The following ADAMTS16 variants were observed in gnomAD, a reference collection of about 807,000 sequenced individuals.
ADAMTS16 encodes A disintegrin and metalloproteinase with thrombospondin motifs 16.
Under a neutral mutation model 145.8 loss-of-function variants are expected in ADAMTS16, and 94 were observed. That is an observed-to-expected ratio of 0.64 (90% CI 0.55 to 0.77). The LOEUF (loss-of-function observed/expected upper bound fraction) is 0.77, where lower values mean the gene tolerates loss of function less well. Ranked by LOEUF, ADAMTS16 falls within the 30% of genes least tolerant of loss-of-function variation. The pLI is 0.00. For synonymous variants in ADAMTS16, 659 were observed against 604.3 expected (o/e 1.09, Z -1.33); for missense variants, 1,585 against 1,591.5 (o/e 1.00, Z 0.07).
intron 18 of ADAMTS16, among the ~76,000 whole-genome samples, chr5:5,281,675 T>C (rs1434122328): frequency 6.6e-6 from 1 of 152,056 alleles, no homozygotes; most frequent in Non-Finnish European, 1.5e-5. Flanking sequence ...AAAACATGTG[T>C]AGATGCAGAG....
chr5:5,140,597 A>C, intron 1 of ADAMTS16, 58 bp downstream of exon 1: 1 of 1,516,648 alleles, frequency 6.6e-7, no homozygotes, highest in Non-Finnish European at 8.8e-7. Context: ...GCTGGAGGCG[A>C]GTCCCCCGCG....
intron 18 of ADAMTS16, among the ~76,000 whole-genome samples, chr5:5,301,889 G>A (rs1328191755): frequency 6.6e-6 from 1 of 152,194 alleles, no homozygotes; most frequent in East Asian, 1.9e-4. Context: ...CGACCCCTAG[G>A]TGGGACCCCT....
At chr5:5,198,025 A>G (rs1483263131) in intron 8 of ADAMTS16, among the ~76,000 whole-genome samples, 1 of 152,232 alleles carries the variant, frequency 6.6e-6, no homozygotes, top group Non-Finnish European at 1.5e-5. Flanking sequence ...CTAGAAAAAA[A>G]TCATTGAAAA....
chr5:5,279,893 CTTCT>C (rs1345614505), intron 18 of ADAMTS16, among the ~76,000 whole-genome samples: 21 of 132,146 alleles, frequency 1.6e-4, no homozygotes, highest in South Asian at 5.2e-4. Flanking sequence ...TCCTTCCTTC[CTTCT>C]TTCTTTTCTT....
chr5:5,247,057 G>A (rs780733240), intron 17 of ADAMTS16, among the ~76,000 whole-genome samples: 2 of 152,192 alleles, frequency 1.3e-5, no homozygotes, highest in Non-Finnish European at 2.9e-5. Flanking sequence ...GCAGCAGTGG[G>A]CTTTGGTTCC....
rs373039727 is a variant in ADAMTS16 at position 5,146,278 on chromosome 5, C to A, written c.324C>A (p.Phe108Leu). 1 of 1,614,210 alleles carries A rather than the reference C, an allele frequency of 6.2e-7. No individual in the cohort carries two copies. Among genetic ancestry groups the A allele is most frequent in the Non-Finnish European group, 8.5e-7 (1 of 1,180,048 alleles). ...HLRLKGSRHDFHMDLRTSSSL... is the reference protein window; with the variant it reads ...HLRLKGSRHDLHMDLRTSSSL... ...GGCTGAAAGGCTCCAGGCACGACTT[C>A]CACATGGATCTGAGGACTTCCAGCA... Residue 108 changes from phenylalanine (F) to leucine (L), a missense_variant, in exon 3 of 23, where the codon TTC (phenylalanine) becomes TTA (leucine). Phe to Leu is a conservative substitution (Grantham distance 22, BLOSUM62 0). Around this residue, in one of 3 missense-constraint regions of ADAMTS16, gnomAD observed 453 missense variants for 412.1 expected, o/e 1.10. Transcript: ENST00000274181.
chr5:5,240,944 G>A (rs572805654), intron 16 of ADAMTS16, among the ~76,000 whole-genome samples: 11 of 152,252 alleles, frequency 7.2e-5, no homozygotes, highest in Non-Finnish European at 1.0e-4. Context: ...AGATGCCTCC[G>A]GGTTGAAAAT....
chr5:5,244,552 A>G (rs1377937333), intron 17 of ADAMTS16, among the ~76,000 whole-genome samples: 1 of 152,190 alleles, frequency 6.6e-6, no homozygotes, highest in Non-Finnish European at 1.5e-5. Context: ...TTGTATGAAT[A>G]CCAATGCCTG....
chr5:5,224,504 G>A (rs1262607685), intron 11 of ADAMTS16, among the ~76,000 whole-genome samples: 1 of 152,102 alleles, frequency 6.6e-6, no homozygotes, highest in Non-Finnish European at 1.5e-5. Context: ...TGGTCAGGCT[G>A]GTCTCAAACC....
At chr5:5,284,265 CCT>C (rs1422755596) in intron 18 of ADAMTS16, among the ~76,000 whole-genome samples, 1 of 152,182 alleles carries the variant, frequency 6.6e-6, no homozygotes, top group African/African-American at 2.4e-5. Flanking sequence ...CACATTTCTA[CCT>C]CTTTCATTTT....
intron 11 of ADAMTS16, 111 bp from the exon 12 acceptor site, chr5:5,232,257 G>A: frequency 7.9e-7 from 1 of 1,265,562 alleles, no homozygotes; most frequent in Non-Finnish European, 1.1e-6. Context: ...GGAGGCTAAT[G>A]TCTGCATAGT....
chr5:5,233,219 A>G (rs1170918106), intron 12 of ADAMTS16, among the ~76,000 whole-genome samples: 1 of 152,222 alleles, frequency 6.6e-6, no homozygotes, highest in Non-Finnish European at 1.5e-5. Flanking sequence ...GGGGTTTTCC[A>G]TCAAATATAT....
chr5:5,229,191 G>A (rs370106190), intron 11 of ADAMTS16, among the ~76,000 whole-genome samples: 133 of 151,272 alleles, frequency 8.8e-4, no homozygotes, highest in African/African-American at 2.8e-3. Flanking sequence ...CCAGCTACTC[G>A]GGAGGCTGAG....
intron 10 of ADAMTS16, among the ~76,000 whole-genome samples, chr5:5,215,574 G>A (rs1664987572): frequency 1.3e-5 from 2 of 151,472 alleles, no homozygotes; most frequent in South Asian, 4.2e-4. Context: ...ATATCAGTGA[G>A]AACATACAAT....
chr5:5,141,660 C>T (rs1734172232), intron 2 of ADAMTS16, among the ~76,000 whole-genome samples: 1 of 152,072 alleles, frequency 6.6e-6, no homozygotes, highest in African/African-American at 2.4e-5. Flanking sequence ...AATGTATTTC[C>T]AGAAGATCTA....
chr5:5,314,151 A>C (rs1733938726), intron 21 of ADAMTS16, among the ~76,000 whole-genome samples: 3 of 152,086 alleles, frequency 2.0e-5, no homozygotes, highest in Admixed American at 1.3e-4. Flanking sequence ...TTGGTCCTGG[A>C]ATAGTGGAAA....
chr5:5,306,713 C>G lies in ADAMTS16; in HGVS notation c.3396C>G (p.Ala1132=). ...GACCCTCGAGGGGCAGCTGGTTTGC[C>G]TCACCCTGGTCTCAGGTAGGGGAGG... ...AAGPSRGSWF[A]SPWSQCTASC... is the part of the protein sequence containing the mutation. Residue 1132 remains alanine, a synonymous_variant, in exon 21 of 23, where the codon GCC becomes GCG. Coordinates refer to ENST00000274181, the MANE Select transcript of ADAMTS16 (RefSeq NM_139056.4). The G allele has an allele frequency of 6.2e-7, 1 of 1,610,668 alleles. No homozygotes were observed. The highest frequency in any genetic ancestry group is 8.5e-7 in the Non-Finnish European group (1 of 1,178,558).
chr5:5,192,183 C>T (rs1735678502), intron 8 of ADAMTS16, among the ~76,000 whole-genome samples: 1 of 152,074 alleles, frequency 6.6e-6, no homozygotes, highest in Non-Finnish European at 1.5e-5. Context: ...AGGGTTTCGC[C>T]GTGTTGCTCA....
At chr5:5,169,870 ACCT>A (rs1735001201) in intron 3 of ADAMTS16, among the ~76,000 whole-genome samples, 2 of 151,996 alleles carry the variant, frequency 1.3e-5, no homozygotes, top group East Asian at 1.9e-4. Context: ...GATGTGTGTC[ACCT>A]CCTAATTTGA....
Sources: allele counts gnomAD v4.1 joint callset (sites outside exome capture counted in the v4.1 genomes callset), GRCh38; gene constraint gnomAD v4.1.1; regional missense constraint gnomAD v4.1.1; transcripts MANE v1.5; gene names NCBI Gene and HGNC (gene_info 2026-07-23, HGNC 2026-07-21).